The following PARD3B variants were observed in gnomAD, a reference collection of about 807,000 sequenced individuals.
The protein encoded by PARD3B is partitioning defective 3 homolog B.
A neutral mutation model predicts 130.2 loss-of-function variants in PARD3B; 103 were observed. The observed-to-expected ratio is 0.79, with a 90% CI of 0.67 to 0.93. The LOEUF is 0.93. Among genes scored for constraint, PARD3B ranks in the 40% least tolerant of loss-of-function variants. The probability of loss-of-function intolerance (pLI) is 0.00; values close to 1 mark genes in which losing one functional copy is unlikely to be tolerated. For missense variants in PARD3B, 1,609 were observed against 1,499.2 expected, an observed-to-expected ratio of 1.07 and a Z score of -1.21; for synonymous variants, 583 against 553.2, an observed-to-expected ratio of 1.05 and a Z score of -0.76.
intron 4 of PARD3B, among the ~76,000 whole-genome samples, chr2:205,064,809 C>G (rs1700263128): frequency 6.6e-6 from 1 of 152,096 alleles, no homozygotes; most frequent in Admixed American, 6.6e-5. Context: ...AGTCAGTGTG[C>G]AAATTCACAG....
intron 18 of PARD3B, 115 bp from the exon 19 acceptor site, chr2:205,400,898 T>C (rs1250746002): frequency 1.4e-6 from 1 of 692,986 alleles, no homozygotes; most frequent in Non-Finnish European, 2.4e-6. Context: ...AAAATGATCT[T>C]GACTTACTTA....
intron 2 of PARD3B, among the ~76,000 whole-genome samples, chr2:204,946,631 CAG>C (rs2125815180): frequency 6.6e-6 from 1 of 152,260 alleles, no homozygotes; most frequent in East Asian, 1.9e-4. Flanking sequence ...GATGTACTGT[CAG>C]GGTTCTCCAG....
At chr2:204,790,092 G>A (rs1574989010) in intron 2 of PARD3B, among the ~76,000 whole-genome samples, 1 of 152,178 alleles carries the variant, frequency 6.6e-6, no homozygotes, top group East Asian at 1.9e-4. Context: ...GGATGGTCTC[G>A]ATCTCCTGAT....
At chr2:204,777,972 C>A (rs894392017) in intron 2 of PARD3B, among the ~76,000 whole-genome samples, 3 of 152,058 alleles carry the variant, frequency 2.0e-5, no homozygotes, top group Non-Finnish European at 4.4e-5. Flanking sequence ...CACACACTCT[C>A]CTGCTGCCTT....
chr2:205,615,380 G>T, intron 22 of PARD3B, 76 bp from the exon 23 acceptor site: 1 of 1,276,226 alleles, frequency 7.8e-7, no homozygotes, highest in Non-Finnish European at 1.1e-6. Context: ...AACTGCACAG[G>T]AGGCTGAGGA....
intron 18 of PARD3B, among the ~76,000 whole-genome samples, chr2:205,345,249 C>T (rs1278078583): frequency 6.6e-6 from 1 of 152,102 alleles, no homozygotes; most frequent in Non-Finnish European, 1.5e-5. Context: ...ACGAAGTGGA[C>T]AGCCTTGGGG....
In PARD3B at chr2:205,321,024, T is replaced by A. The variant is rs1341406743; in HGVS notation, c.2630+19323T>A. ...GTGTAAAATTATTTTTTGTTCCCTT[T>A]CCATAGTTCTCCCTACCTTCTCTGA... On this transcript the variant is annotated intron_variant, in intron 18 of 22. Coordinates refer to ENST00000406610, the MANE Select transcript of PARD3B (RefSeq NM_001302769.2). The surrounding 1 kb of genome is among the most constrained non-coding windows in gnomAD (Gnocchi z 4.2). Among the ~76,000 whole-genome samples, 5 of 152,206 alleles carry A rather than the reference T, an allele frequency of 3.3e-5. No homozygotes were observed. The highest frequency in any genetic ancestry group is 1.2e-4 in the African/African-American group (5 of 41,462).
intron 19 of PARD3B, among the ~76,000 whole-genome samples, chr2:205,431,120 C>G (rs765845064): frequency 6.6e-6 from 1 of 152,234 alleles, no homozygotes; most frequent in Non-Finnish European, 1.5e-5. Context: ...CTCTGTTGCC[C>G]AGGCTGGGTG....
intron 1 of PARD3B, among the ~76,000 whole-genome samples, chr2:204,601,033 G>A (rs10175139): frequency 6.6e-6 from 1 of 151,472 alleles, no homozygotes; most frequent in Non-Finnish European, 1.5e-5. Flanking sequence ...GGGACTGATC[G>A]TTAAGCACAT....
intron 20 of PARD3B, chr2:205,482,703 A>G (rs924019561): frequency 6.6e-6 from 1 of 152,130 alleles, no homozygotes; most frequent in African/African-American, 2.4e-5. Flanking sequence ...AGCCTCTGGC[A>G]CCACTGGATT....
intron 1 of PARD3B, among the ~76,000 whole-genome samples, chr2:204,578,325 G>C (rs2032374195): frequency 6.6e-6 from 1 of 152,170 alleles, no homozygotes; most frequent in Non-Finnish European, 1.5e-5. Context: ...TAAAAACTCT[G>C]CTTGCGTGGA....
At chr2:205,601,800 T>C (rs1559259052) in intron 22 of PARD3B, among the ~76,000 whole-genome samples, 1 of 151,484 alleles carries the variant, frequency 6.6e-6, no homozygotes, top group Non-Finnish European at 1.5e-5. Context: ...GTCTTCTAGA[T>C]ATAGAATCAT....
chr2:205,307,928 C>A lies in PARD3B; in HGVS notation c.2630+6227C>A, dbSNP rs561483675. 2.1e-4 allele frequency among the ~76,000 whole-genome samples: 32 copies of A among 152,256 alleles called. No individual in the cohort carries two copies. The South Asian group carries it at 6.6e-3, about 32-fold the overall frequency. ...GATATGGTTCAGATTCCCTTATCTA[C>A]AACTTTTATAAAATTTGATCCTAAG... On this transcript the variant is annotated intron_variant, in intron 18 of 22. Coordinates refer to ENST00000406610, the MANE Select transcript of PARD3B (RefSeq NM_001302769.2).
intron 2 of PARD3B, among the ~76,000 whole-genome samples, chr2:204,925,818 G>A (rs1687569998): frequency 6.6e-6 from 1 of 152,098 alleles, no homozygotes; most frequent in African/African-American, 2.4e-5. Context: ...CCCAGTGGAT[G>A]GTCATTAGAT....
chr2:204,892,840 G>T (rs1169544500), intron 2 of PARD3B, among the ~76,000 whole-genome samples: 3 of 152,180 alleles, frequency 2.0e-5, no homozygotes, highest in Non-Finnish European at 4.4e-5. Flanking sequence ...TGAAAGATCT[G>T]GGCTGGGGAA....
intron 3 of PARD3B, among the ~76,000 whole-genome samples, chr2:205,036,615 A>T (rs1697926037): frequency 6.7e-6 from 1 of 149,432 alleles, no homozygotes; most frequent in African/African-American, 2.4e-5. Context: ...CAAAAAATAT[A>T]TATACACAGC....
At chr2:204,627,962 T>A (rs1327232370) in intron 1 of PARD3B, among the ~76,000 whole-genome samples, 1 of 143,310 alleles carries the variant, frequency 7.0e-6, no homozygotes, top group Non-Finnish European at 1.5e-5. Flanking sequence ...TAAACTTTTT[T>A]AAAACACTAT....
At chr2:204,592,907 T>C (rs1438651972) in intron 1 of PARD3B, among the ~76,000 whole-genome samples, 1 of 152,244 alleles carries the variant, frequency 6.6e-6, no homozygotes, top group Non-Finnish European at 1.5e-5. Flanking sequence ...GATTAGCTTC[T>C]TTCAGTTGAA....
chr2:205,493,987 C>T (rs1018211139), intron 20 of PARD3B, among the ~76,000 whole-genome samples: 2 of 151,978 alleles, frequency 1.3e-5, no homozygotes, highest in Non-Finnish European at 2.9e-5. Context: ...TCTCGAACTC[C>T]TGACCTCAGG....
Sources: gnomAD v4.1 joint callset for allele counts (sites outside exome capture counted in the v4.1 genomes callset) on GRCh38, gnomAD v4.1.1 for gene constraint, Gnocchi (gnomAD v3.1) non-coding constraint, MANE v1.5 for transcripts, NCBI Gene and HGNC (gene_info 2026-07-23, HGNC 2026-07-21) for gene names.